The following RBPJ variants were observed in gnomAD, a reference collection of about 807,000 sequenced individuals.
The protein encoded by RBPJ is recombination signal binding protein for immunoglobulin kappa J region.
Under a neutral mutation model 67.8 loss-of-function variants are expected in RBPJ, and 9 were observed. The observed-to-expected ratio is 0.13, with a 90% CI of 0.08 to 0.23. The LOEUF (loss-of-function observed/expected upper bound fraction) is 0.23. Among genes scored for constraint, RBPJ ranks in the 10% least tolerant of loss-of-function variants. The pLI is 1.00. For missense variants in RBPJ, 305 were observed against 595.6 expected, an observed-to-expected ratio of 0.51 and a Z score of 5.08; for synonymous variants, 198 against 203.3, an observed-to-expected ratio of 0.97 and a Z score of 0.22.
At chr4:26,196,527 G>T (rs1717769667) in intron 1 of RBPJ, among the ~76,000 whole-genome samples, 2 of 152,102 alleles carry the variant, frequency 1.3e-5, no homozygotes, top group South Asian at 4.1e-4. Flanking sequence ...TCTTGCCTGA[G>T]AATCATAACA....
chr4:26,333,107 A>T (rs1724429420), intron 1 of RBPJ, among the ~76,000 whole-genome samples: 1 of 152,152 alleles, frequency 6.6e-6, no homozygotes, highest in African/African-American at 2.4e-5. Flanking sequence ...CCAAACTTGG[A>T]TGGAAAATAC....
In RBPJ at chr4:26,375,220, T is replaced by C. The variant is rs574257768; in HGVS notation, c.21-11133T>C. Reference sequence around the variant, plus strand: ...TGGGGAGTAGGATCACTTCAGCCTGTGGAGGTTGCAGTGAGCCGAGATCAT... The same window carrying C: ...TGGGGAGTAGGATCACTTCAGCCTGCGGAGGTTGCAGTGAGCCGAGATCAT... On this transcript the variant is annotated intron_variant, in intron 1 of 10. Transcript: ENST00000355476. Among the ~76,000 whole-genome samples, 5 of 146,202 alleles carry C rather than the reference T, an allele frequency of 3.4e-5. No individual in the cohort carries two copies. In the East Asian group the frequency reaches 8.1e-4, roughly 24 times the overall value.
chr4:26,298,035 A>G (rs1054543894), intron 1 of RBPJ, among the ~76,000 whole-genome samples: 2 of 152,210 alleles, frequency 1.3e-5, no homozygotes, highest in Non-Finnish European at 2.9e-5. Flanking sequence ...AATCACTGAT[A>G]CAAATGTTTC....
chr4:26,363,778 T>C (rs1728327279), intron 1 of RBPJ, among the ~76,000 whole-genome samples: 1 of 152,206 alleles, frequency 6.6e-6, no homozygotes. Flanking sequence ...GTGATTATTG[T>C]TTATTTAACA....
intron 1 of RBPJ, among the ~76,000 whole-genome samples, chr4:26,270,211 G>A (rs1158076181): frequency 6.7e-6 from 1 of 149,566 alleles, no homozygotes; most frequent in Non-Finnish European, 1.5e-5. Flanking sequence ...GACCAGGGAG[G>A]CAGAGGTTGC....
upstream of RBPJ, among the ~76,000 whole-genome samples, chr4:26,163,033 C>T (rs1038905953): frequency 3.7e-4 from 56 of 152,096 alleles, no homozygotes; most frequent in Admixed American, 9.2e-4. Flanking sequence ...ATGACATCAC[C>T]GTACCTCAAC....
At chr4:26,343,904 C>T (rs1405455587) in intron 1 of RBPJ, among the ~76,000 whole-genome samples, 7 of 151,880 alleles carry the variant, frequency 4.6e-5, no homozygotes, top group Non-Finnish European at 1.0e-4. Context: ...GCGCCCGCCA[C>T]CACACTCGGC....
chr4:26,380,390 C>T (rs1348098990), intron 1 of RBPJ, among the ~76,000 whole-genome samples: 2 of 152,126 alleles, frequency 1.3e-5, no homozygotes, highest in East Asian at 3.9e-4. Context: ...AATTGTCCCC[C>T]TACTAGAGGT....
At chr4:26,173,703 C>T (rs1305281684) in intron 1 of RBPJ, among the ~76,000 whole-genome samples, 1 of 152,196 alleles carries the variant, frequency 6.6e-6, no homozygotes, top group Non-Finnish European at 1.5e-5. Context: ...ATTTGTAATG[C>T]ATTTCTTTGG....
At chr4:26,273,354 C>T (rs975629741) in intron 1 of RBPJ, among the ~76,000 whole-genome samples, 3 of 152,218 alleles carry the variant, frequency 2.0e-5, no homozygotes, top group African/African-American at 7.2e-5. Context: ...ACAGTAGTTA[C>T]CACTTTATAA....
chr4:26,319,059 A>G (rs1722774986), upstream of RBPJ, among the ~76,000 whole-genome samples: 1 of 151,954 alleles, frequency 6.6e-6, no homozygotes, highest in African/African-American at 2.4e-5. Flanking sequence ...AAGGAATCAG[A>G]ACTTGTTTCA....
upstream of RBPJ, among the ~76,000 whole-genome samples, chr4:26,320,051 G>A (rs1482739324): frequency 6.6e-6 from 1 of 152,226 alleles, no homozygotes; most frequent in Non-Finnish European, 1.5e-5. Flanking sequence ...GGTTCCCTGT[G>A]CAGTAGTGGT....
intron 1 of RBPJ, among the ~76,000 whole-genome samples, chr4:26,305,619 G>A (rs1034787121): frequency 2.0e-5 from 3 of 151,882 alleles, no homozygotes; most frequent in African/African-American, 7.2e-5. Context: ...TTGGAAATGG[G>A]ATTGTTTTCT....
At chr4:26,423,170 A>T (rs1560344371) in intron 5 of RBPJ, among the ~76,000 whole-genome samples, 2 of 152,338 alleles carry the variant, frequency 1.3e-5, no homozygotes, top group East Asian at 3.9e-4. Flanking sequence ...GTACTATTGC[A>T]ATAGGGGAAA....
intron 1 of RBPJ, among the ~76,000 whole-genome samples, chr4:26,246,137 G>A (rs559318417): frequency 2.0e-3 from 303 of 152,278 alleles, no homozygotes; most frequent in Non-Finnish European, 3.4e-3. Flanking sequence ...TTTTGAGTCT[G>A]TGGATCAATT....
intron 1 of RBPJ, among the ~76,000 whole-genome samples, chr4:26,342,553 C>G (rs1354800189): frequency 6.6e-6 from 1 of 152,180 alleles, no homozygotes; most frequent in Non-Finnish European, 1.5e-5. Flanking sequence ...GCGTGGTTAA[C>G]TTAGTCATCT....
At chr4:26,392,440 C>A (rs1258791068) in intron 2 of RBPJ, among the ~76,000 whole-genome samples, 3 of 152,122 alleles carry the variant, frequency 2.0e-5, no homozygotes, top group African/African-American at 7.2e-5. Context: ...AGTGGATCAA[C>A]AAATTGTAGT....
chr4:26,206,030 T>G (rs1484154003), intron 1 of RBPJ, among the ~76,000 whole-genome samples: 2 of 152,212 alleles, frequency 1.3e-5, no homozygotes, highest in Non-Finnish European at 2.9e-5. Flanking sequence ...GATGAACATG[T>G]GGCATATAGT....
chr4:26,263,869 C>CTTTTTT (rs1157940678), intron 1 of RBPJ, among the ~76,000 whole-genome samples: 1 of 131,654 alleles, frequency 7.6e-6, no homozygotes, highest in Non-Finnish European at 1.6e-5. Flanking sequence ...AGCACCCAGT[C>CTTTTTT]TTTTTTTTTT....
Sources: allele counts gnomAD v4.1 joint callset (sites outside exome capture counted in the v4.1 genomes callset), GRCh38; gene constraint gnomAD v4.1.1; transcripts MANE v1.5; gene names NCBI Gene and HGNC (gene_info 2026-07-23, HGNC 2026-07-21).